MIER2: variants seen among roughly 807,000 people sequenced by gnomAD.
The protein encoded by MIER2 is MIER family member 2, also known as mesoderm induction early response protein 2.
In MIER2, 30 loss-of-function variants were observed where a neutral mutation model predicts 67.6. The ratio of observed to expected loss-of-function variants is 0.44; its 90% confidence interval spans 0.33 to 0.60. The LOEUF (loss-of-function observed/expected upper bound fraction) is 0.60. MIER2 is among the 20% of genes least tolerant of loss of function. The probability of loss-of-function intolerance (pLI) is 0.02; values close to 1 mark genes in which losing one functional copy is unlikely to be tolerated. For synonymous variants in MIER2, 372 were observed against 312.6 expected (o/e 1.19, Z -2.00); for missense variants, 702 against 745.1 (o/e 0.94, Z 0.67).
chr19:328,886 G>T (rs1216445876), intron 3 of MIER2, among the ~76,000 whole-genome samples: 2 of 152,212 alleles, frequency 1.3e-5, no homozygotes, highest in Non-Finnish European at 2.9e-5. Flanking sequence ...TGTGATTAAC[G>T]AACACTGTTT....
rs143840196 is a variant in MIER2 at position 326,561 on chromosome 19, A to G, written c.531T>C (p.Ser177=). Residue 177 remains serine (S), a synonymous_variant, in exon 6 of 14, where the codon TCT becomes TCC. Coordinates refer to ENST00000264819, the MANE Select transcript of MIER2 (RefSeq NM_017550.3). ...CCTCCTCGGTGTCGGAGGAGGCAGAAGAGCCAGGCTCTCTGTCTTCATCAG... is the reference window on the plus strand; with the variant it reads ...CCTCCTCGGTGTCGGAGGAGGCAGAGGAGCCAGGCTCTCTGTCTTCATCAG... ...FLADEDREPG[S]SASSDTEEDS... 267 of 1,614,176 alleles carry G rather than the reference A, an allele frequency of 1.7e-4. 1 individual carries two copies. In the African/African-American group the frequency reaches 2.9e-3, roughly 18 times the overall value.
intron 1 of MIER2, among the ~76,000 whole-genome samples, chr19:336,780 T>C (rs1972276445): frequency 6.6e-6 from 1 of 152,220 alleles, no homozygotes; most frequent in Non-Finnish European, 1.5e-5. Flanking sequence ...GTTTGTCAAT[T>C]ACAATTTTTT....
rs957670138 is a variant in MIER2, at chr19:309,309, T to A, written c.985-384A>T. On this transcript the variant is annotated intron_variant, in intron 10 of 13. Transcript: ENST00000264819. ...TGCGTCCACCTCATCTGCCTGCTTC[T>A]CACAGGCCCGGGGTGGGAGTGGGAG... Among the ~76,000 whole-genome samples the A allele has an allele frequency of 3.3e-5, 5 of 152,068 alleles. No individual in the cohort carries two copies. In the South Asian group the frequency reaches 1.0e-3, roughly 32 times the overall value.
At chr19:337,263 C>T (rs528006433) in intron 1 of MIER2, among the ~76,000 whole-genome samples, 1 of 152,152 alleles carries the variant, frequency 6.6e-6, no homozygotes, top group South Asian at 2.1e-4. Context: ...GATGCAAGGT[C>T]GATTTAATAT....
chr19:328,739 A>C (rs1971882069), intron 3 of MIER2, among the ~76,000 whole-genome samples: 1 of 152,126 alleles, frequency 6.6e-6, no homozygotes, highest in South Asian at 2.1e-4. Flanking sequence ...CAGAGTGAGA[A>C]TCTGTCTCAA....
At chr19:337,452 A>G (rs1229218732) in intron 1 of MIER2, among the ~76,000 whole-genome samples, 2 of 152,214 alleles carry the variant, frequency 1.3e-5, no homozygotes, top group African/African-American at 2.4e-5. Flanking sequence ...ATTGCCCTCA[A>G]TGGGGAAAGG....
intron 7 of MIER2, among the ~76,000 whole-genome samples, chr19:321,442 C>T (rs1047372432): frequency 7.9e-5 from 12 of 152,066 alleles, no homozygotes; most frequent in African/African-American, 2.2e-4. Flanking sequence ...GTTGGGAGTT[C>T]GAGATCAGCT....
chr19:325,295 C>T (rs1971689169), intron 7 of MIER2, among the ~76,000 whole-genome samples: 1 of 152,208 alleles, frequency 6.6e-6, no homozygotes, highest in South Asian at 2.1e-4. Context: ...ACCATCTAAC[C>T]CGGCACAGAG....
chr19:334,843 AAG>A (rs1345523693), intron 2 of MIER2, among the ~76,000 whole-genome samples: 2 of 152,150 alleles, frequency 1.3e-5, no homozygotes, highest in Non-Finnish European at 2.9e-5. Context: ...GTGGACTAGA[AAG>A]AGACCAACAC....
intron 7 of MIER2, among the ~76,000 whole-genome samples, chr19:319,597 T>C (rs1326680568): frequency 6.6e-6 from 1 of 152,132 alleles, no homozygotes; most frequent in Non-Finnish European, 1.5e-5. Context: ...TAGCTGGGAC[T>C]ACAGTTGCGT....
At chr19:311,820 T>C (rs774538398) in intron 10 of MIER2, 25 bp downstream of exon 10, 92 of 1,612,724 alleles carry the variant, frequency 5.7e-5, no homozygotes, top group Non-Finnish European at 7.5e-5. Context: ...AAGCCCCCGG[T>C]GGAGCCTGGC....
intron 1 of MIER2, among the ~76,000 whole-genome samples, chr19:341,778 C>T (rs979330461): frequency 6.6e-6 from 1 of 152,150 alleles, no homozygotes; most frequent in Non-Finnish European, 1.5e-5. Context: ...GCAAAGGAAG[C>T]GTAAACAGCA....
At chr19:325,766 G>C (rs1939609402) in intron 6 of MIER2, 62 bp from the exon 7 acceptor site, 4 of 1,578,618 alleles carry the variant, frequency 2.5e-6, no homozygotes, top group South Asian at 2.2e-5. Context: ...CGGGAGGCTG[G>C]CTGCAGCGTG....
chr19:334,449 C>G lies in MIER2; in HGVS notation c.194G>C (p.Arg65Thr), dbSNP rs1226958868. The part of the protein sequence containing the change: ...SVRGECEEAS[R>T]CPDKPKEELE... ...CTCCTCCTTGGGCTTGTCTGGGCAC[C>G]TCGAGGCCTCCTCGCACTCCCCCCT... is the stretch of plus-strand genomic sequence containing the variant. Residue 65 changes from arginine (R) to threonine (T), a missense_variant, in exon 3 of 14, where the codon AGG becomes ACG. By Grantham distance (71) the Arg-to-Thr change is moderately conservative. Coordinates refer to ENST00000264819, the MANE Select transcript of MIER2 (RefSeq NM_017550.3). The G allele has an allele frequency of 6.2e-7, 1 of 1,614,198 alleles. No individual in the cohort carries two copies. Among genetic ancestry groups the G allele is most frequent in the East Asian group, 2.2e-5 (1 of 44,878 alleles).
At chr19:335,061 G>A (rs563757085) in intron 2 of MIER2, among the ~76,000 whole-genome samples, 3 of 152,216 alleles carry the variant, frequency 2.0e-5, no homozygotes, top group South Asian at 2.1e-4. Flanking sequence ...GAAGACATGC[G>A]ATGTACATGG....
chr19:313,488 C>T lies in MIER2; in HGVS notation c.807+4G>A. ...CCCTCTGTCCCCGGCATGGCAGCCC[C>T]CACCTGCTCACTGTCTTTCACGGCT... is the stretch of plus-strand genomic sequence containing the variant. On this transcript the variant is annotated splice_donor_region_variant and intron_variant, in intron 8 of 13. Transcript: ENST00000264819. The T allele has an allele frequency of 3.1e-6, 5 of 1,610,534 alleles. No homozygotes were observed. The highest frequency in any genetic ancestry group is 4.2e-6 in the Non-Finnish European group (5 of 1,179,592).
rs1031048244 is a variant in MIER2, at chr19:308,468, C to T, written c.1198+109G>A. 16 of 1,206,862 alleles carry T rather than the reference C, an allele frequency of 1.3e-5. No individual in the cohort carries two copies. The Admixed American group carries it at 2.0e-4, about 15-fold the overall frequency. The allele number at this position is 1,206,862 out of a possible 1,614,324, so 74.8% of individuals were successfully genotyped here. A position where few individuals can be genotyped will look rare whatever the true frequency, so the allele number is the denominator to read the frequency against. On this transcript the variant is annotated intron_variant, in intron 12 of 13. Transcript: ENST00000264819. The surrounding 1 kb of genome is among the most constrained non-coding windows in gnomAD (Gnocchi z 9.1). ...CCACCCAGACGCCCACTCCTCCTGG[C>T]GAGGCTGGCCCAGCACAGGGCGCCA... is the stretch of plus-strand genomic sequence containing the variant.
intron 10 of MIER2, among the ~76,000 whole-genome samples, chr19:309,414 T>C (rs1970819699): frequency 6.6e-6 from 1 of 152,022 alleles, no homozygotes; most frequent in Non-Finnish European, 1.5e-5. Context: ...GCGCCTGCTT[T>C]CCCACCGAAC....
intron 1 of MIER2, among the ~76,000 whole-genome samples, chr19:338,164 C>A: frequency 9.7e-6 from 1 of 103,366 alleles, no homozygotes. Context: ...CAGCAAGACT[C>A]CATCTCAAAA....
Sources: allele counts gnomAD v4.1 joint callset (sites outside exome capture counted in the v4.1 genomes callset), GRCh38; gene constraint gnomAD v4.1.1; non-coding constraint Gnocchi (gnomAD v3.1); transcripts MANE v1.5; gene names NCBI Gene and HGNC (gene_info 2026-07-23, HGNC 2026-07-21).